LRRC9: variants seen among roughly 807,000 people sequenced by gnomAD.
LRRC9 encodes the protein leucine rich repeat containing 9, also known as leucine-rich repeat-containing protein 9.
LRRC9 carries 122 observed loss-of-function variants against 63.2 expected under a neutral mutation model. The observed-to-expected ratio is 1.93, with a 90% confidence interval of 1.67 to 2.24. LRRC9 has a LOEUF of 2.24. Among genes scored for constraint, LRRC9 ranks in the 30% most tolerant of loss-of-function variants. LRRC9 has a pLI of 0.00. For missense variants in LRRC9, 1,071 were observed against 627.7 expected (o/e 1.71, Z -7.55); for synonymous variants, 366 against 213.1 (o/e 1.72, Z -6.25).
intron 10 of LRRC9, among the ~76,000 whole-genome samples, chr14:59,961,613 C>T (rs926234275): frequency 2.0e-5 from 3 of 151,870 alleles, no homozygotes; most frequent in African/African-American, 4.8e-5. Context: ...TATGCTTATA[C>T]CAGGAATTCA....
intron 27 of LRRC9, among the ~76,000 whole-genome samples, chr14:60,024,688 T>C (rs963611253): frequency 3.3e-5 from 5 of 152,014 alleles, no homozygotes; most frequent in African/African-American, 1.2e-4. Flanking sequence ...AAAATAATTA[T>C]TTTAGATTCA....
chr14:59,939,681 T>A (rs1456676052), intron 7 of LRRC9, among the ~76,000 whole-genome samples: 2 of 151,748 alleles, frequency 1.3e-5, no homozygotes, highest in African/African-American at 4.8e-5. Context: ...AAGTAGAGAA[T>A]AATTCCAAGA....
At chr14:59,945,769 A>G (rs1310430336) in intron 8 of LRRC9, among the ~76,000 whole-genome samples, 2 of 152,072 alleles carry the variant, frequency 1.3e-5, no homozygotes, top group Admixed American at 6.6e-5. Context: ...CTAAATAGAA[A>G]AATTGAGCAA....
rs190155077 is a variant in LRRC9 at position 60,031,596 on chromosome 14, T to A, written c.3922-399T>A. On this transcript the variant is annotated intron_variant, in intron 28 of 31. Coordinates refer to ENST00000445360, the Ensembl canonical transcript of LRRC9. The surrounding 1 kb of genome is among the most constrained non-coding windows in gnomAD (Gnocchi z 4.6). ...CTCAATATTACACATTCCTTTATGG[T>A]TAAGGCTGTGTTTAATTATGTACCT... 3.3e-5 allele frequency among the ~76,000 whole-genome samples: 5 copies of A among 152,180 alleles called. No homozygotes were observed. Among genetic ancestry groups the A allele is most frequent in the Admixed American group, 3.3e-4 (5 of 15,260 alleles).
chr14:59,969,706 A>G (rs2140017579), intron 12 of LRRC9, among the ~76,000 whole-genome samples: 1 of 152,310 alleles, frequency 6.6e-6, no homozygotes, highest in South Asian at 2.1e-4. Context: ...CTATCAATTC[A>G]GGATGAAGTG....
chr14:59,937,280 T>A lies in LRRC9; in HGVS notation c.544-1110T>A, dbSNP rs114793892. Among the ~76,000 whole-genome samples, 448 of 152,152 alleles carry A rather than the reference T, an allele frequency of 2.9e-3. 4 individuals are homozygous for A. Among genetic ancestry groups the A allele is most frequent in the African/African-American group, 0.01 (428 of 41,522 alleles). ...TGTAGCCTCTACTGCATATTCTTCT[T>A]TGTTTTTTTTGAATACTTAAAAAAT... On this transcript the variant is annotated intron_variant, in intron 6 of 31. Transcript: ENST00000445360.
intron 8 of LRRC9, among the ~76,000 whole-genome samples, chr14:59,956,927 T>G (rs1883818487): frequency 6.6e-6 from 1 of 152,214 alleles, no homozygotes; most frequent in African/African-American, 2.4e-5. Context: ...AGTTGAAAAT[T>G]CTTTTCTTTA....
At chr14:59,987,007 C>T (rs959884080) in intron 17 of LRRC9, among the ~76,000 whole-genome samples, 10 of 152,042 alleles carry the variant, frequency 6.6e-5, no homozygotes, top group African/African-American at 2.4e-4. Flanking sequence ...TGTATTTTTT[C>T]ATCTTTTTAT....
At chr14:60,025,751 T>C (rs1891501943) in intron 27 of LRRC9, among the ~76,000 whole-genome samples, 1 of 151,962 alleles carries the variant, frequency 6.6e-6, no homozygotes, top group South Asian at 2.1e-4. Flanking sequence ...GTGTGTGTTA[T>C]GGTACAAAGT....
chr14:59,982,810 G>T (rs1163304574), intron 16 of LRRC9, among the ~76,000 whole-genome samples: 1 of 152,166 alleles, frequency 6.6e-6, no homozygotes, highest in African/African-American at 2.4e-5. Context: ...CACATTTCAA[G>T]TGCTCAATAG....
chr14:60,057,110 A>C (rs1894343585), intron 30 of LRRC9, among the ~76,000 whole-genome samples: 1 of 152,162 alleles, frequency 6.6e-6, no homozygotes, highest in Admixed American at 6.5e-5. Flanking sequence ...TATGAGGTTA[A>C]ATAGGTAATT....
At chr14:60,007,424 C>T (rs979144007) in intron 22 of LRRC9, among the ~76,000 whole-genome samples, 2 of 152,184 alleles carry the variant, frequency 1.3e-5, no homozygotes, top group Admixed American at 1.3e-4. Flanking sequence ...AAGACCCTTC[C>T]TTCACAACAA....
In LRRC9 at chr14:60,051,489, C is replaced by G. The variant is rs1566910250; in HGVS notation, c.3991-1576C>G. ...CAGAAATGGCTGCCACCCTTTCCCC[C>G]AAGAACTGCTTCTGGTTTCAGGCAG... On this transcript the variant is annotated intron_variant, in intron 29 of 31. Transcript: ENST00000445360. This position sits in a 1 kb window ranked among gnomAD's most constrained non-coding sequence, Gnocchi z 4.7. Among the ~76,000 whole-genome samples, 1 of 152,340 alleles carries G rather than the reference C, an allele frequency of 6.6e-6. No homozygotes were observed. Among genetic ancestry groups the G allele is most frequent in the East Asian group, 1.9e-4 (1 of 5,176 alleles).
intron 30 of LRRC9, chr14:60,054,094 G>T (rs1894098704): frequency 3.1e-6 from 1 of 322,938 alleles, no homozygotes; most frequent in Non-Finnish European, 6.0e-6. Flanking sequence ...AACTGAATAG[G>T]AAAGAGATAG....
intron 6 of LRRC9, among the ~76,000 whole-genome samples, chr14:59,933,648 A>C (rs1337821110): frequency 1.3e-5 from 2 of 152,210 alleles, no homozygotes; most frequent in African/African-American, 4.8e-5. Context: ...GAGGCAGATT[A>C]AGTCCCTTAA....
At position 60,060,778 on chromosome 14, in the gene LRRC9, G is replaced by C. The variant is rs185979148; in HGVS notation, c.4277-2545G>C. ...AAAATAAAATTAGTGATTCCTCTGA[G>C]GGATATGGGCAAAGTAAATTGAAGA... On this transcript the variant is annotated intron_variant, in intron 31 of 31. Coordinates refer to ENST00000445360, the Ensembl canonical transcript of LRRC9. This position sits in a 1 kb window ranked among gnomAD's most constrained non-coding sequence, Gnocchi z 4.0. 6.6e-6 allele frequency among the ~76,000 whole-genome samples: 1 copy of C among 152,154 alleles called. No homozygotes were observed. The highest frequency in any genetic ancestry group is 6.5e-5 in the Admixed American group (1 of 15,276).
At position 60,060,245 on chromosome 14, in the gene LRRC9, T is replaced by G. The variant is rs1894568534; in HGVS notation, c.4276+2223T>G. 6.6e-6 allele frequency among the ~76,000 whole-genome samples: 1 copy of G among 152,192 alleles called. No homozygotes were observed. The highest frequency in any genetic ancestry group is 1.5e-5 in the Non-Finnish European group (1 of 68,022). The stretch of plus-strand genomic sequence containing the variant: ...TTAGCTGACTGTTGAGACCCAGTGC[T>G]GAGAAACAGATTGCTTTCCAAAGAC... On this transcript the variant is annotated intron_variant, in intron 31 of 31. Coordinates refer to ENST00000445360, the Ensembl canonical transcript of LRRC9. The surrounding 1 kb of genome is among the most constrained non-coding windows in gnomAD (Gnocchi z 4.0).
intron 29 of LRRC9, among the ~76,000 whole-genome samples, chr14:60,052,706 G>A (rs1893982742): frequency 6.6e-6 from 1 of 152,202 alleles, no homozygotes; most frequent in Non-Finnish European, 1.5e-5. Flanking sequence ...AGTTCAGTAG[G>A]TGTGTGTTGA....
rs1403759198 is a variant in LRRC9 at position 59,938,995 on chromosome 14, A to G, written c.726+423A>G. On this transcript the variant is annotated intron_variant, in intron 7 of 31. Coordinates refer to ENST00000445360, the Ensembl canonical transcript of LRRC9. The surrounding 1 kb of genome is among the most constrained non-coding windows in gnomAD (Gnocchi z 4.2). ...CATATATACATATATACACACATAT[A>G]TACATATACATATATACACATATAT... 1.6e-5 allele frequency among the ~76,000 whole-genome samples: 2 copies of G among 128,100 alleles called. No individual in the cohort carries two copies. The highest frequency in any genetic ancestry group is 6.2e-5 in the African/African-American group (2 of 32,026). The allele number at this position is 128,100 out of a possible 152,430, so 84.0% of individuals were successfully genotyped here.
Sources: allele counts gnomAD v4.1 joint callset (sites outside exome capture counted in the v4.1 genomes callset), GRCh38; gene constraint gnomAD v4.1.1; non-coding constraint Gnocchi (gnomAD v3.1); transcripts MANE v1.5; gene names NCBI Gene and HGNC (gene_info 2026-07-23, HGNC 2026-07-21).